Variants in NCLN observed in about 807,000 individuals in gnomAD.
The protein encoded by NCLN is nicalin.
Under a neutral mutation model 69.5 loss-of-function variants are expected in NCLN, and 34 were observed. That is an observed-to-expected ratio of 0.49 (90% CI 0.37 to 0.65). The LOEUF (loss-of-function observed/expected upper bound fraction) is 0.65. Ranked by LOEUF, NCLN falls within the 30% of genes least tolerant of loss-of-function variation. The pLI is 0.00. For missense variants in NCLN, 710 were observed against 804.8 expected, an observed-to-expected ratio of 0.88 and a Z score of 1.42; for synonymous variants, 393 against 358.3, an observed-to-expected ratio of 1.10 and a Z score of -1.09.
chr19:3,190,568 C>T (rs564114685), intron 1 of NCLN, among the ~76,000 whole-genome samples: 22 of 152,222 alleles, frequency 1.4e-4, no homozygotes, highest in Non-Finnish European at 2.2e-4. Context: ...GCGCAGGCCC[C>T]GGGAAGAGCT....
At chr19:3,202,634 A>G (rs1916156060) in intron 6 of NCLN, among the ~76,000 whole-genome samples, 1 of 152,166 alleles carries the variant, frequency 6.6e-6, no homozygotes. Context: ...GCCGGGAGTC[A>G]TGTCCTGGTT....
chr19:3,207,583 G>A, intron 14 of NCLN, 46 bp from the exon 15 acceptor site: 1 of 1,610,768 alleles, frequency 6.2e-7, no homozygotes, highest in Non-Finnish European at 8.5e-7. Flanking sequence ...ATGACCTGGG[G>A]CTCTGGCCCC....
intron 6 of NCLN, among the ~76,000 whole-genome samples, chr19:3,202,155 A>G (rs1021999983): frequency 1.3e-5 from 2 of 152,030 alleles, no homozygotes; most frequent in Non-Finnish European, 2.9e-5. Flanking sequence ...ATGTCCCGTG[A>G]TCATCTGCCC....
In NCLN at chr19:3,186,133, C is replaced by T; in HGVS notation, c.103C>T (p.Pro35Ser). ...FLPAVLLLVA[P>S]PLPAADAAHE... ...GCCCGCTGTGCTGCTGCTGGTGGCG[C>T]CGCCGCTGCCTGCCGCCGACGCCGC... is the stretch of plus-strand genomic sequence containing the variant. The change falls in exon 1 of 15, where the codon CCG (proline) becomes TCG (serine). Residue 35 changes from proline to serine, a missense_variant. Pro to Ser is a moderately conservative substitution (Grantham distance 74). Coordinates refer to ENST00000246117, the MANE Select transcript of NCLN (RefSeq NM_020170.4). 6.3e-7 allele frequency: 1 copy of T among 1,596,912 alleles called. No homozygotes were observed. The highest frequency in any genetic ancestry group is 8.5e-7 in the Non-Finnish European group (1 of 1,174,040).
chr19:3,204,641 C>T lies in NCLN; in HGVS notation c.1098C>T (p.Asp366=), dbSNP rs1168436916. The change falls in exon 9 of 15, where the codon GAC becomes GAT. Residue 366 remains aspartate, a synonymous_variant. Coordinates refer to ENST00000246117, the MANE Select transcript of NCLN (RefSeq NM_020170.4). The part of the protein sequence containing the change: ...MVHKRINLAE[D]VLAWEHERFA... ...ACAAGCGGATCAACCTGGCGGAGGA[C>T]GTGCTGGCCTGGGAGCACGAGCGCT... is the stretch of plus-strand genomic sequence containing the variant. 4.4e-6 allele frequency: 7 copies of T among 1,608,602 alleles called. No individual in the cohort carries two copies. Among genetic ancestry groups the T allele is most frequent in the African/African-American group, 4.0e-5 (3 of 74,752 alleles).
rs1916125957 is a variant in NCLN at position 3,201,530 on chromosome 19, C to T, written c.704C>T (p.Ser235Leu). ...YDAFGVAPWLSLGADSNGSGV... is the reference protein window; with the variant it reads ...YDAFGVAPWLLLGADSNGSGV... ...CCTCTCCCGTCCCTGTAGTGGCTGTCGCTGGGCGCGGACTCCAACGGGAGC... is the reference window on the plus strand; with the variant it reads ...CCTCTCCCGTCCCTGTAGTGGCTGTTGCTGGGCGCGGACTCCAACGGGAGC... Residue 235 changes from serine (S) to leucine (L), a missense_variant, in exon 6 of 15, where the codon TCG (serine) becomes TTG (leucine). By Grantham distance (145) the Ser-to-Leu change is moderately radical. Coordinates refer to ENST00000246117, the MANE Select transcript of NCLN (RefSeq NM_020170.4). 9.6e-6 allele frequency: 15 copies of T among 1,555,490 alleles called. No homozygotes were observed. The highest frequency in any genetic ancestry group is 1.4e-5 in the African/African-American group (1 of 73,998).
chr19:3,207,757 C>T lies in NCLN; in HGVS notation c.*69C>T. ...CTGGGGCCGAGCACGAGTGAGTGGA[C>T]ACTGCCCCGCCGCGGGCGGCCCTGC... On this transcript the variant is annotated 3_prime_UTR_variant, in exon 15 of 15. Coordinates refer to ENST00000246117, the MANE Select transcript of NCLN (RefSeq NM_020170.4). The T allele has an allele frequency of 3.6e-6, 5 of 1,403,962 alleles. No homozygotes were observed. Among genetic ancestry groups the T allele is most frequent in the South Asian group, 3.5e-5 (3 of 85,064 alleles). The allele number at this position is 1,403,962 out of a possible 1,614,324, so 87.0% of individuals were successfully genotyped here.
At position 3,185,989 on chromosome 19, in the gene NCLN, C is replaced by G. The variant is rs1252425833; in HGVS notation, c.-42C>G. On this transcript the variant is annotated 5_prime_UTR_variant, in exon 1 of 15. Transcript: ENST00000246117. ...CGCGGGAGCCGCCGCCGCCGCCGTC[C>G]CGTCCCAGCTGCCGCCCCGCGCGGC... 8.4e-6 allele frequency: 12 copies of G among 1,436,206 alleles called. No homozygotes were observed. Among genetic ancestry groups the G allele is most frequent in the Non-Finnish European group, 1.1e-5 (12 of 1,093,182 alleles). 89.0% of individuals were successfully genotyped at this position (1,436,206 alleles called of 1,614,324 possible). A position where few individuals can be genotyped will look rare whatever the true frequency, so the allele number is the denominator to read the frequency against.
intron 1 of NCLN, among the ~76,000 whole-genome samples, chr19:3,188,730 G>A (rs1266532357): frequency 6.6e-6 from 1 of 152,224 alleles, no homozygotes; most frequent in Admixed American, 6.5e-5. Flanking sequence ...TCGCCCAGCT[G>A]GTCCGTGGGC....
intron 1 of NCLN, among the ~76,000 whole-genome samples, chr19:3,191,866 G>A (rs956954277): frequency 5.6e-5 from 8 of 143,948 alleles, no homozygotes; most frequent in African/African-American, 1.8e-4. Flanking sequence ...GGGAAGTGTG[G>A]GTTTCTCCCA....
rs770084358 is a variant in NCLN at position 3,192,655 on chromosome 19, G to A, written c.370G>A (p.Val124Ile). ...CATGGCCGCCGTGCCCCAGGACGTC[G>A]TCCGGGTGAGCGTCTGCCCTGCCCC... ...RAMAAVPQDV[V>I]RQFMEIEPEM... Residue 124 changes from valine to isoleucine, a missense_variant, in exon 2 of 15, where the codon GTC becomes ATC. By Grantham distance (29) the Val-to-Ile change is conservative. Transcript: ENST00000246117. The A allele has an allele frequency of 1.6e-5, 25 of 1,553,272 alleles. No homozygotes were observed. Among genetic ancestry groups the A allele is most frequent in the Admixed American group, 5.8e-5 (3 of 51,536 alleles).
intron 1 of NCLN, among the ~76,000 whole-genome samples, chr19:3,191,080 A>C (rs1915811808): frequency 6.6e-6 from 1 of 150,734 alleles, no homozygotes; most frequent in Non-Finnish European, 1.5e-5. Flanking sequence ...TGTGGCGGGC[A>C]GCAGGGAGAT....
At chr19:3,207,313 T>C (rs2144921628) in intron 13 of NCLN, 62 bp downstream of exon 13, 1 of 1,612,436 alleles carries the variant, frequency 6.2e-7, no homozygotes, top group South Asian at 1.1e-5. Context: ...CCGAGGGGAC[T>C]GCGGCCCACG....
Position 3,205,882 on chromosome 19 carries a change from A to C in NCLN, c.1209-57A>C, listed in dbSNP as rs1916251900. 1 of 1,514,456 alleles carries C rather than the reference A, an allele frequency of 6.6e-7. No homozygotes were observed. The highest frequency in any genetic ancestry group is 9.2e-7 in the Non-Finnish European group (1 of 1,091,750). The allele number at this position is 1,514,456 out of a possible 1,614,324, so 93.8% of individuals were successfully genotyped here. A position where few individuals can be genotyped will look rare whatever the true frequency, so the allele number is the denominator to read the frequency against. On this transcript the variant is annotated intron_variant, in intron 9 of 14. Transcript: ENST00000246117. The surrounding 1 kb of genome is among the most constrained non-coding windows in gnomAD (Gnocchi z 4.6). Reference sequence around the variant, plus strand: ...GGAGTGCTGGGATTACAAGTGTGAGAGCTACCTTGCCTGGCCCAAAGTCCA... The same window carrying C: ...GGAGTGCTGGGATTACAAGTGTGAGCGCTACCTTGCCTGGCCCAAAGTCCA...
intron 1 of NCLN, 49 bp downstream of exon 1, chr19:3,186,263 G>A (rs1379507658): frequency 2.1e-6 from 3 of 1,406,258 alleles, no homozygotes; most frequent in Non-Finnish European, 1.8e-6. Flanking sequence ...CCCCGGCCAC[G>A]CCACTCCGGC....
chr19:3,201,671 C>A, intron 6 of NCLN, 45 bp downstream of exon 6: 1 of 1,362,232 alleles, frequency 7.3e-7, no homozygotes, highest in South Asian at 1.3e-5. Context: ...GGGGGCCACA[C>A]TGCCGGACAG....
intron 12 of NCLN, 42 bp downstream of exon 12, chr19:3,206,467 C>A (rs377094587): frequency 2.0e-5 from 31 of 1,518,346 alleles, no homozygotes; most frequent in Non-Finnish European, 2.7e-5. Flanking sequence ...AGCCTGGGGC[C>A]GAGGGGGACC....
At position 3,206,181 on chromosome 19, in the gene NCLN, A is replaced by G. The variant is rs2144919759; in HGVS notation, c.1326A>G (p.Thr442=). Residue 442 remains threonine (T), a synonymous_variant, in exon 11 of 15, where the codon ACA becomes ACG. Coordinates refer to ENST00000246117, the MANE Select transcript of NCLN (RefSeq NM_020170.4). ...KGTPPDMPVF[T]EQMQIQQEQL... is the part of the protein sequence containing the mutation. The stretch of plus-strand genomic sequence containing the variant: ...CACCCCCAGACATGCCGGTGTTCAC[A>G]GAGCAGATGGTAAGGGGGCCAGGCC... The G allele has an allele frequency of 1.5e-6, 2 of 1,310,474 alleles. No homozygotes were observed. The highest frequency in any genetic ancestry group is 2.7e-5 in the South Asian group (2 of 74,202). 81.2% of individuals were successfully genotyped at this position (1,310,474 alleles called of 1,614,324 possible). A position where few individuals can be genotyped will look rare whatever the true frequency, so the allele number is the denominator to read the frequency against.
At chr19:3,195,182 GAA>G (rs57369430) in intron 3 of NCLN, among the ~76,000 whole-genome samples, 33 of 143,882 alleles carry the variant, frequency 2.3e-4, no homozygotes, top group Admixed American at 6.2e-4. Flanking sequence ...ACTCCGACTT[GAA>G]AAAAAAAAAA....
Sources: allele counts gnomAD v4.1 joint callset (sites outside exome capture counted in the v4.1 genomes callset), GRCh38; gene constraint gnomAD v4.1.1; non-coding constraint Gnocchi (gnomAD v3.1); transcripts MANE v1.5; gene names NCBI Gene and HGNC (gene_info 2026-07-23, HGNC 2026-07-21).